Variants in NKAIN2 observed in about 807,000 individuals in gnomAD.
The protein encoded by NKAIN2 is sodium/potassium transporting ATPase interacting 2, also known as sodium/potassium-transporting ATPase subunit beta-1-interacting protein 2.
A neutral mutation model predicts 32.6 loss-of-function variants in NKAIN2; 14 were observed. The ratio of observed to expected loss-of-function variants is 0.43; its 90% CI spans 0.28 to 0.67. The LOEUF (loss-of-function observed/expected upper bound fraction) is 0.67, where lower values mean the gene tolerates loss of function less well. NKAIN2 is among the 30% of genes least tolerant of loss of function. The pLI is 0.17. For synonymous variants in NKAIN2, 80 were observed against 87.2 expected, an observed-to-expected ratio of 0.92 and a Z score of 0.46; for missense variants, 198 against 258.3, an observed-to-expected ratio of 0.77 and a Z score of 1.60.
intron 1 of NKAIN2, 141 bp downstream of exon 1, chr6:123,804,395 A>G: frequency 2.6e-6 from 2 of 756,928 alleles, no homozygotes; most frequent in Non-Finnish European, 4.6e-6. Flanking sequence ...TATATTGAAG[A>G]TGATTTCAGG....
chr6:124,574,395 A>T (rs2114925293), intron 3 of NKAIN2, among the ~76,000 whole-genome samples: 1 of 152,274 alleles, frequency 6.6e-6, no homozygotes, highest in African/African-American at 2.4e-5. Context: ...AGGCAGGCTG[A>T]TCACCTGAGG....
At position 124,658,197 on chromosome 6, in the gene NKAIN2, T is replaced by G; in HGVS notation, c.285T>G (p.Leu95=). 1 of 1,604,562 alleles carries G rather than the reference T, an allele frequency of 6.2e-7. No homozygotes were observed. ...TTGCCTTCTTGCAGGAAACAGACCT[T>G]ATCCTGACTTTTAATATATCAATGC... is the stretch of plus-strand genomic sequence containing the variant. ...EAGDLSKETD[L]ILTFNISMHR... is the part of the protein sequence containing the mutation. Residue 95 remains leucine (L), a synonymous_variant, in exon 4 of 7, where the codon CTT becomes CTG. Coordinates refer to ENST00000368417, the MANE Select transcript of NKAIN2 (RefSeq NM_001040214.3).
chr6:124,001,800 AAT>A (rs10567719), intron 1 of NKAIN2, among the ~76,000 whole-genome samples: 1,983 of 135,058 alleles, frequency 0.015, 22 homozygotes, highest in African/African-American at 0.027. Flanking sequence ...CTTAGTTCTA[AAT>A]ATATATATAT....
intron 3 of NKAIN2, among the ~76,000 whole-genome samples, chr6:124,463,573 G>A (rs542152437): frequency 5.3e-5 from 8 of 151,830 alleles, no homozygotes; most frequent in East Asian, 1.9e-4. Flanking sequence ...CCTGTGCATC[G>A]CCCTATCTCT....
At chr6:124,395,543 A>G (rs1024808748) in intron 3 of NKAIN2, among the ~76,000 whole-genome samples, 1 of 152,186 alleles carries the variant, frequency 6.6e-6, no homozygotes, top group Non-Finnish European at 1.5e-5. Flanking sequence ...TAAAATTGAG[A>G]TACTCATGGA....
chr6:124,467,423 A>T (rs1776803971), intron 3 of NKAIN2, among the ~76,000 whole-genome samples: 1 of 152,096 alleles, frequency 6.6e-6, no homozygotes, highest in Non-Finnish European at 1.5e-5. Flanking sequence ...ATTATCTGAA[A>T]ATGAAAGAAA....
intron 1 of NKAIN2, among the ~76,000 whole-genome samples, chr6:124,009,630 C>T (rs971057760): frequency 2.6e-5 from 4 of 152,118 alleles, no homozygotes; most frequent in African/African-American, 9.7e-5. Context: ...TGCCTTCATG[C>T]CTCTGAAAAC....
chr6:123,979,832 A>T (rs1778810084), intron 1 of NKAIN2, among the ~76,000 whole-genome samples: 1 of 152,200 alleles, frequency 6.6e-6, no homozygotes, highest in African/African-American at 2.4e-5. Context: ...TGAGGACAAG[A>T]CAATAAAATC....
chr6:123,809,303 A>T (rs1327834808), intron 1 of NKAIN2, among the ~76,000 whole-genome samples: 2 of 151,606 alleles, frequency 1.3e-5, no homozygotes, highest in Non-Finnish European at 2.9e-5. Context: ...ATATAATAAA[A>T]TACATAAGCC....
intron 4 of NKAIN2, among the ~76,000 whole-genome samples, chr6:124,729,673 A>C (rs1776550154): frequency 6.6e-6 from 1 of 150,540 alleles, no homozygotes; most frequent in African/African-American, 2.4e-5. Flanking sequence ...CTCTCTCACC[A>C]CTCCTATTCA....
chr6:124,210,328 C>T (rs802239), intron 1 of NKAIN2, among the ~76,000 whole-genome samples: 105,587 of 151,826 alleles, frequency 0.7, 36,966 homozygotes, highest in South Asian at 0.76. Flanking sequence ...CATGCTGTTT[C>T]GATTACTATA....
chr6:124,559,898 C>T (rs1345378394), intron 3 of NKAIN2, among the ~76,000 whole-genome samples: 1 of 122,494 alleles, frequency 8.2e-6, no homozygotes, highest in East Asian at 2.8e-4. Flanking sequence ...GGTTCACTTC[C>T]ACAAGATAAC....
rs796075037 is a variant in NKAIN2 at position 124,761,983 on chromosome 6, C to A, written c.475-29356C>A. On this transcript the variant is annotated intron_variant, in intron 4 of 6. Coordinates refer to ENST00000368417, the MANE Select transcript of NKAIN2 (RefSeq NM_001040214.3). ...CTCTCTTTCTCCCTAGTTTCTCTCA[C>A]TCCCTGGTTCTCTCACACCTTTCTG... Among the ~76,000 whole-genome samples, 9 of 152,276 alleles carry A rather than the reference C, an allele frequency of 5.9e-5. No homozygotes were observed. The South Asian group carries it at 1.9e-3, about 32-fold the overall frequency.
At chr6:124,600,280 A>G (rs950732210) in intron 3 of NKAIN2, among the ~76,000 whole-genome samples, 10 of 152,142 alleles carry the variant, frequency 6.6e-5, no homozygotes, top group Non-Finnish European at 1.5e-4. Flanking sequence ...AGCTTTTTCA[A>G]GTGGAAACAA....
At chr6:124,664,579 G>T (rs1006851085) in intron 4 of NKAIN2, among the ~76,000 whole-genome samples, 1 of 150,968 alleles carries the variant, frequency 6.6e-6, no homozygotes, top group Non-Finnish European at 1.5e-5. Flanking sequence ...CGGATCACGA[G>T]GTCAGGAGAT....
chr6:124,173,007 A>G (rs1466864433), intron 1 of NKAIN2, among the ~76,000 whole-genome samples: 1 of 152,142 alleles, frequency 6.6e-6, no homozygotes, highest in Non-Finnish European at 1.5e-5. Flanking sequence ...ATTTAGTGAC[A>G]ATTGCATTAA....
chr6:124,641,206 C>T (rs570140587), intron 3 of NKAIN2, among the ~76,000 whole-genome samples: 7 of 152,172 alleles, frequency 4.6e-5, no homozygotes, highest in South Asian at 4.2e-4. Flanking sequence ...TTAATTCAAA[C>T]GAAGAGAGAT....
intron 1 of NKAIN2, among the ~76,000 whole-genome samples, chr6:124,094,330 C>T (rs1307437892): frequency 1.3e-5 from 2 of 152,052 alleles, no homozygotes; most frequent in African/African-American, 2.4e-5. Context: ...CTCCTTGAAA[C>T]CTCCCATATT....
intron 3 of NKAIN2, among the ~76,000 whole-genome samples, chr6:124,424,469 G>A (rs1421231725): frequency 1.4e-5 from 2 of 141,656 alleles, no homozygotes; most frequent in African/African-American, 5.2e-5. Flanking sequence ...AGTATTAACT[G>A]TAGTCATCAT....
Sources: gnomAD v4.1 joint callset for allele counts (sites outside exome capture counted in the v4.1 genomes callset) on GRCh38, gnomAD v4.1.1 for gene constraint, MANE v1.5 for transcripts, NCBI Gene and HGNC (gene_info 2026-07-23, HGNC 2026-07-21) for gene names.